Variants in GNPNAT1 observed in about 807,000 individuals in gnomAD.
GNPNAT1 encodes glucosamine-phosphate N-acetyltransferase 1, also known as glucosamine 6-phosphate N-acetyltransferase.
A neutral mutation model predicts 19.8 loss-of-function variants in GNPNAT1; 11 were observed. That is an observed-to-expected ratio of 0.56 (90% CI 0.35 to 0.92). The LOEUF (loss-of-function observed/expected upper bound fraction) is 0.92, where lower values mean the gene tolerates loss of function less well. Among genes scored for constraint, GNPNAT1 ranks in the 40% least tolerant of loss-of-function variants. GNPNAT1 has a pLI of 0.01. For missense variants in GNPNAT1, 157 were observed against 211.0 expected, an observed-to-expected ratio of 0.74 and a Z score of 1.59; for synonymous variants, 71 against 72.3, an observed-to-expected ratio of 0.98 and a Z score of 0.09.
chr14:52,778,411 T>G lies in GNPNAT1; in HGVS notation c.455A>C (p.Lys152Thr). Residue 152 changes from lysine to threonine, a missense_variant, in exon 6 of 6, where the codon AAG becomes ACG. Coordinates refer to ENST00000216410, the MANE Select transcript of GNPNAT1 (RefSeq NM_198066.4). ...TTGTGGTAGACATTCAAGGGTAATC[T>G]TGTAACAGTTCAGTTTCTTGCTTAG... Reference protein sequence around the residue: ...TLLSKKLNCYKITLECLPQNV... With the variant: ...TLLSKKLNCYTITLECLPQNV... 5.6e-6 allele frequency: 9 copies of G among 1,610,160 alleles called. No homozygotes were observed. Among genetic ancestry groups the G allele is most frequent in the African/African-American group, 1.3e-5 (1 of 74,792 alleles).
chr14:52,786,462 C>T (rs1883021356), intron 1 of GNPNAT1, among the ~76,000 whole-genome samples: 1 of 151,992 alleles, frequency 6.6e-6, no homozygotes, highest in Non-Finnish European at 1.5e-5. Flanking sequence ...TGAGATCACA[C>T]CATTGCGTTC....
chr14:52,785,878 G>A (rs1400878889), intron 1 of GNPNAT1, among the ~76,000 whole-genome samples: 3 of 150,614 alleles, frequency 2.0e-5, no homozygotes, highest in Admixed American at 6.6e-5. Flanking sequence ...CTTCTGAGTA[G>A]CTGGGATTAC....
At chr14:52,787,808 T>C (rs1026387770) in intron 1 of GNPNAT1, 4 of 152,008 alleles carry the variant, frequency 2.6e-5, no homozygotes, top group Non-Finnish European at 5.9e-5. Context: ...TTAAAGTTTA[T>C]AAATTCTTGT....
intron 1 of GNPNAT1, among the ~76,000 whole-genome samples, chr14:52,787,239 A>G (rs1253620796): frequency 2.0e-5 from 3 of 152,106 alleles, no homozygotes; most frequent in Non-Finnish European, 4.4e-5. Flanking sequence ...ATTGTTCCTT[A>G]TTTCATAAGT....
intron 5 of GNPNAT1, among the ~76,000 whole-genome samples, chr14:52,779,782 C>T (rs1034799778): frequency 2.3e-5 from 3 of 132,968 alleles, no homozygotes; most frequent in South Asian, 2.5e-4. Context: ...CACAAGAAAT[C>T]GGTCTGTTTT....
intron 1 of GNPNAT1, among the ~76,000 whole-genome samples, chr14:52,790,849 G>T (rs1883154704): frequency 6.6e-6 from 1 of 152,118 alleles, no homozygotes; most frequent in South Asian, 2.1e-4. Flanking sequence ...ATAAACATCA[G>T]CTCCCGCAAC....
Position 52,784,642 on chromosome 14 carries a change from A to G in GNPNAT1, c.9T>C (p.Pro3=). The G allele has an allele frequency of 6.5e-7, 1 of 1,545,990 alleles. No homozygotes were observed. Among genetic ancestry groups the G allele is most frequent in the South Asian group, 1.2e-5 (1 of 82,430 alleles). ...TTGGGTCAAACATAGGAGTTTCATCAGGTTTCATTTTTCTAGTAAGGTCTA... is the reference window on the plus strand; with the variant it reads ...TTGGGTCAAACATAGGAGTTTCATCGGGTTTCATTTTTCTAGTAAGGTCTA... MK[P]DETPMFDPSL... Residue 3 remains proline (P), a synonymous_variant, in exon 2 of 6, where the codon CCT becomes CCC. Coordinates refer to ENST00000216410, the MANE Select transcript of GNPNAT1 (RefSeq NM_198066.4).
intron 2 of GNPNAT1, 69 bp from the exon 3 acceptor site, chr14:52,783,554 T>C: frequency 2.0e-6 from 2 of 1,013,688 alleles, no homozygotes; most frequent in Admixed American, 1.9e-5. Context: ...ATAAGCAATA[T>C]ATTAAGCAGG....
intron 3 of GNPNAT1, among the ~76,000 whole-genome samples, chr14:52,782,933 T>G (rs1882927414): frequency 6.6e-6 from 1 of 152,092 alleles, no homozygotes; most frequent in Admixed American, 6.5e-5. Context: ...TAACTACCTG[T>G]GATCTTGGGC....
chr14:52,785,724 T>C (rs114752400), intron 1 of GNPNAT1, among the ~76,000 whole-genome samples: 1,838 of 148,902 alleles, frequency 0.012, 35 homozygotes, highest in African/African-American at 0.043. Context: ...TGAAATTCCC[T>C]CTCAAAAAAC....
rs1566686349 is a variant in GNPNAT1 at position 52,776,728 on chromosome 14, C to G, written c.*1583G>C. ...ATGCCACCACGTCTGGCTAATTTTT[C>G]TTTTTTTTAGTAGAGACAGGGTTTC... On this transcript the variant is annotated 3_prime_UTR_variant, in exon 6 of 6. Coordinates refer to ENST00000216410, the MANE Select transcript of GNPNAT1 (RefSeq NM_198066.4). The G allele has an allele frequency of 6.6e-6, 1 of 151,690 alleles. No homozygotes were observed. Among genetic ancestry groups the G allele is most frequent in the Non-Finnish European group, 1.5e-5 (1 of 67,900 alleles). The allele number at this position is 151,690 out of a possible 1,614,324, so 9.4% of individuals were successfully genotyped here.
At position 52,777,702 on chromosome 14, in the gene GNPNAT1, C is replaced by A. The variant is rs2139957469; in HGVS notation, c.*609G>T. ...TATACTATATAAACTTTCAGTAAAA[C>A]ATTTAAATTGTTTTACTTTTAATCT... is the stretch of plus-strand genomic sequence containing the variant. On this transcript the variant is annotated 3_prime_UTR_variant, in exon 6 of 6. Transcript: ENST00000216410. 1 of 152,240 alleles carries A rather than the reference C, an allele frequency of 6.6e-6. No homozygotes were observed. Among genetic ancestry groups the A allele is most frequent in the Admixed American group, 6.5e-5 (1 of 15,302 alleles). 9.4% of individuals were successfully genotyped at this position (152,240 alleles called of 1,614,324 possible). A position where few individuals can be genotyped will look rare whatever the true frequency, so the allele number is the denominator to read the frequency against.
intron 1 of GNPNAT1, among the ~76,000 whole-genome samples, chr14:52,787,298 T>C (rs567058399): frequency 6.6e-6 from 1 of 152,244 alleles, no homozygotes; most frequent in Admixed American, 6.5e-5. Flanking sequence ...TAAAGATGGA[T>C]AATAAGTTTC....
At chr14:52,781,096 T>C (rs1024356043) in intron 4 of GNPNAT1, among the ~76,000 whole-genome samples, 2 of 152,174 alleles carry the variant, frequency 1.3e-5, no homozygotes, top group African/African-American at 4.8e-5. Flanking sequence ...GGAAATAGTA[T>C]GAGTCAAGTT....
rs974303778 is a variant in GNPNAT1, at chr14:52,786,364, TGTG to T, written c.-14-1703_-14-1701del. ...TACTACAAATACAAAATTAGCCAGG[TGTG>T]GTGGTGGCCACCTGTAATCCCAGCT... On this transcript the variant is annotated intron_variant, in intron 1 of 5. Transcript: ENST00000216410. Among the ~76,000 whole-genome samples, 50 of 151,734 alleles carry T rather than the reference TGTG, an allele frequency of 3.3e-4. 2 individuals are homozygous for T. Among genetic ancestry groups the T allele is most frequent in the African/African-American group, 8.9e-4 (37 of 41,412 alleles).
At chr14:52,780,097 T>C (rs1882855400) in intron 5 of GNPNAT1, among the ~76,000 whole-genome samples, 1 of 152,004 alleles carries the variant, frequency 6.6e-6, no homozygotes, top group Non-Finnish European at 1.5e-5. Flanking sequence ...CCCAGGAGGC[T>C]GAGGCTGCAG....
At chr14:52,785,019 G>A (rs775390162) in intron 1 of GNPNAT1, among the ~76,000 whole-genome samples, 30 of 149,166 alleles carry the variant, frequency 2.0e-4, no homozygotes, top group Non-Finnish European at 3.8e-4. Context: ...TCTGCCTTCT[G>A]GGTTCAAGTG....
rs760403323 is a variant in GNPNAT1 at position 52,784,546 on chromosome 14, A to C, written c.105T>G (p.Pro35=). The part of the protein sequence containing the change: ...TFSPAISPTH[P]GEGLVLRPLC... The stretch of plus-strand genomic sequence containing the variant: ...GAGGCCTCAAAACCAAGCCTTCTCC[A>C]GGATGTGTTGGGGAAATGGCTGGAG... The change falls in exon 2 of 6, where the codon CCT becomes CCG. Residue 35 remains proline, a synonymous_variant. Coordinates refer to ENST00000216410, the MANE Select transcript of GNPNAT1 (RefSeq NM_198066.4). 2 of 1,608,884 alleles carry C rather than the reference A, an allele frequency of 1.2e-6. No homozygotes were observed. The highest frequency in any genetic ancestry group is 1.7e-6 in the Non-Finnish European group (2 of 1,178,062).
rs1171087320 is a variant in GNPNAT1 at position 52,777,578 on chromosome 14, G to A, written c.*733C>T. On this transcript the variant is annotated 3_prime_UTR_variant, in exon 6 of 6. Coordinates refer to ENST00000216410, the MANE Select transcript of GNPNAT1 (RefSeq NM_198066.4). ...GTTTGCTAATTCACTGTTTACAGAG[G>A]ACCTTAGATGTCCCACTATAATTGC... 2 of 152,224 alleles carry A rather than the reference G, an allele frequency of 1.3e-5. No individual in the cohort carries two copies. The highest frequency in any genetic ancestry group is 4.8e-5 in the African/African-American group (2 of 41,548). The allele number at this position is 152,224 out of a possible 1,614,324, so 9.4% of individuals were successfully genotyped here. A position where few individuals can be genotyped will look rare whatever the true frequency, so the allele number is the denominator to read the frequency against.
Sources: gnomAD v4.1 joint callset for allele counts (sites outside exome capture counted in the v4.1 genomes callset) on GRCh38, gnomAD v4.1.1 for gene constraint, MANE v1.5 for transcripts, NCBI Gene and HGNC (gene_info 2026-07-23, HGNC 2026-07-21) for gene names.